The following CERS6 variants were observed in gnomAD, a reference collection of about 807,000 sequenced individuals.
The protein encoded by CERS6 is ceramide synthase 6.
A neutral mutation model predicts 56.8 loss-of-function variants in CERS6; 26 were observed. The observed-to-expected ratio is 0.46, with a 90% CI of 0.34 to 0.63. CERS6 has a LOEUF of 0.63. Ranked by LOEUF, CERS6 falls within the 30% of genes least tolerant of loss-of-function variation. The probability of loss-of-function intolerance (pLI) is 0.01; values close to 1 mark genes in which losing one functional copy is unlikely to be tolerated. For synonymous variants in CERS6, 164 were observed against 173.3 expected, an observed-to-expected ratio of 0.95 and a Z score of 0.42; for missense variants, 415 against 467.5, an observed-to-expected ratio of 0.89 and a Z score of 1.04.
chr2:168,591,912 C>T (rs549567960), intron 3 of CERS6, among the ~76,000 whole-genome samples: 1 of 152,228 alleles, frequency 6.6e-6, no homozygotes, highest in East Asian at 1.9e-4. Flanking sequence ...CGCATGGACC[C>T]TCAATGCTGG....
chr2:168,517,726 A>G (rs1478815173), intron 1 of CERS6, among the ~76,000 whole-genome samples: 1 of 152,068 alleles, frequency 6.6e-6, no homozygotes, highest in African/African-American at 2.4e-5. Flanking sequence ...AAATCCTGCA[A>G]AATTTTTTCT....
chr2:168,592,820 G>A (rs1459110309), intron 3 of CERS6, among the ~76,000 whole-genome samples: 1 of 152,124 alleles, frequency 6.6e-6, no homozygotes, highest in Non-Finnish European at 1.5e-5. Context: ...GTGTTATTAT[G>A]TATATTAGTT....
intron 4 of CERS6, among the ~76,000 whole-genome samples, chr2:168,659,935 C>A (rs1685585879): frequency 6.6e-6 from 1 of 152,068 alleles, no homozygotes. Flanking sequence ...CACTATGATG[C>A]AAAATCAAGA....
rs541969364 is a variant in CERS6, at chr2:168,502,504, G to A, written c.171-45092G>A. Among the ~76,000 whole-genome samples the A allele has an allele frequency of 2.0e-5, 3 of 152,204 alleles. No homozygotes were observed. The South Asian group carries it at 6.2e-4, about 32-fold the overall frequency. The stretch of plus-strand genomic sequence containing the variant: ...CTTCATCTGCAGCATGGTTGTCTTT[G>A]TTGTCCTTTGTCTTGTCAAGGGAAG... On this transcript the variant is annotated intron_variant, in intron 1 of 9. Coordinates refer to ENST00000305747, the MANE Select transcript of CERS6 (RefSeq NM_203463.3).
At chr2:168,548,540 A>T (rs986720013) in intron 2 of CERS6, among the ~76,000 whole-genome samples, 2 of 152,230 alleles carry the variant, frequency 1.3e-5, no homozygotes, top group Non-Finnish European at 2.9e-5. Flanking sequence ...ACATTCTATG[A>T]GAAGTATTGT....
At chr2:168,505,451 A>G (rs909379442) in intron 1 of CERS6, among the ~76,000 whole-genome samples, 1 of 151,786 alleles carries the variant, frequency 6.6e-6, no homozygotes, top group Admixed American at 6.6e-5. Flanking sequence ...ATCTCTCCCT[A>G]TCAGATAGAT....
chr2:168,495,092 G>A (rs540104561), intron 1 of CERS6, among the ~76,000 whole-genome samples: 65 of 152,236 alleles, frequency 4.3e-4, no homozygotes, highest in African/African-American at 1.4e-3. Context: ...TGGCCCATGG[G>A]ATGGCTGAAC....
At chr2:168,577,559 T>C (rs542856964) in intron 3 of CERS6, among the ~76,000 whole-genome samples, 1 of 151,738 alleles carries the variant, frequency 6.6e-6, no homozygotes, top group African/African-American at 2.4e-5. Flanking sequence ...GAGGGAAAAA[T>C]GGATGATGCC....
At chr2:168,760,316 C>A (rs1417704094) in intron 8 of CERS6, among the ~76,000 whole-genome samples, 1 of 152,202 alleles carries the variant, frequency 6.6e-6, no homozygotes, top group Non-Finnish European at 1.5e-5. Flanking sequence ...CAAGAAGCAT[C>A]CAGCACGGGA....
At chr2:168,547,163 G>A (rs1037476290) in intron 1 of CERS6, among the ~76,000 whole-genome samples, 2 of 152,124 alleles carry the variant, frequency 1.3e-5, no homozygotes, top group Non-Finnish European at 2.9e-5. Flanking sequence ...TTATGACTAC[G>A]GGTGGTCAAA....
At chr2:168,746,818 T>TATATATATATAA (rs1684118420) in intron 8 of CERS6, among the ~76,000 whole-genome samples, 1 of 95,826 alleles carries the variant, frequency 1.0e-5, no homozygotes, top group South Asian at 3.4e-4. Flanking sequence ...TATATATATA[T>TATATATATATAA]ATAAAATCAT....
intron 3 of CERS6, among the ~76,000 whole-genome samples, chr2:168,599,692 T>C (rs1305655311): frequency 2.0e-5 from 3 of 152,338 alleles, no homozygotes; most frequent in African/African-American, 4.8e-5. Context: ...TTATATATGC[T>C]TGAGGTTATA....
intron 1 of CERS6, among the ~76,000 whole-genome samples, chr2:168,485,957 T>C (rs943367820): frequency 4.6e-5 from 7 of 152,208 alleles, no homozygotes; most frequent in African/African-American, 1.7e-4. Flanking sequence ...AAACTGGTTG[T>C]ACCATTTTGT....
chr2:168,680,174 A>G (rs1475613815), intron 4 of CERS6, among the ~76,000 whole-genome samples: 1 of 152,150 alleles, frequency 6.6e-6, no homozygotes, highest in Non-Finnish European at 1.5e-5. Context: ...AGTTCCGGCA[A>G]GGAGATAGGA....
At chr2:168,599,972 A>G (rs985650601) in intron 3 of CERS6, among the ~76,000 whole-genome samples, 3 of 152,132 alleles carry the variant, frequency 2.0e-5, no homozygotes, top group African/African-American at 4.8e-5. Context: ...TAAACCTAAG[A>G]GTCATTTGAC....
chr2:168,540,215 G>A (rs768728061), intron 1 of CERS6, among the ~76,000 whole-genome samples: 2 of 152,030 alleles, frequency 1.3e-5, no homozygotes, highest in South Asian at 4.1e-4. Flanking sequence ...TTAATTATGG[G>A]GGGTGGAGGG....
intron 4 of CERS6, among the ~76,000 whole-genome samples, chr2:168,667,280 G>A (rs1487328514): frequency 6.6e-6 from 1 of 152,208 alleles, no homozygotes; most frequent in Non-Finnish European, 1.5e-5. Context: ...TTGCACAGGC[G>A]AGGGTGAACA....
intron 4 of CERS6, among the ~76,000 whole-genome samples, chr2:168,670,126 TC>T (rs1685871120): frequency 6.6e-6 from 1 of 152,216 alleles, no homozygotes; most frequent in South Asian, 2.1e-4. Context: ...AAATTCTTGC[TC>T]TTTTTGACTT....
At position 168,773,357 on chromosome 2, in the gene CERS6, TAA is replaced by T. The variant is rs1457693613; in HGVS notation, c.*3699_*3700del. 1 of 152,218 alleles carries T rather than the reference TAA, an allele frequency of 6.6e-6. No homozygotes were observed. Among genetic ancestry groups the T allele is most frequent in the East Asian group, 1.9e-4 (1 of 5,202 alleles). The allele number at this position is 152,218 out of a possible 1,614,324, so 9.4% of individuals were successfully genotyped here. On this transcript the variant is annotated 3_prime_UTR_variant, in exon 10 of 10. Coordinates refer to ENST00000305747, the MANE Select transcript of CERS6 (RefSeq NM_203463.3). ...GAGGCTTCAAGAAATCCTTTGGAAA[TAA>T]AAAGTTAAATGTTTACATTTCATGT... is the stretch of plus-strand genomic sequence containing the variant.
Sources: allele counts gnomAD v4.1 joint callset (sites outside exome capture counted in the v4.1 genomes callset), GRCh38; gene constraint gnomAD v4.1.1; transcripts MANE v1.5; gene names NCBI Gene and HGNC (gene_info 2026-07-23, HGNC 2026-07-21).